The following DOCK3 variants were observed in gnomAD, a reference collection of about 807,000 sequenced individuals.
DOCK3 encodes dedicator of cytokinesis protein 3.
Under a neutral mutation model 265.6 loss-of-function variants are expected in DOCK3, and 60 were observed. The observed-to-expected ratio is 0.23, with a 90% CI of 0.18 to 0.28. The LOEUF (loss-of-function observed/expected upper bound fraction) is 0.28, where lower values mean the gene tolerates loss of function less well. Among genes scored for constraint, DOCK3 ranks in the 10% least tolerant of loss-of-function variants. The probability of loss-of-function intolerance (pLI) is 1.00; values close to 1 mark genes in which losing one functional copy is unlikely to be tolerated. For synonymous variants in DOCK3, 881 were observed against 938.0 expected (o/e 0.94, Z 1.11); for missense variants, 1,981 against 2,594.3 (o/e 0.76, Z 5.14).
chr3:51,053,362 C>T (rs949710564), intron 5 of DOCK3, among the ~76,000 whole-genome samples: 1 of 151,142 alleles, frequency 6.6e-6, no homozygotes. Flanking sequence ...GCTCCGAATG[C>T]TCTTGTCCCT....
At chr3:50,927,498 C>A (rs1481773692) in intron 4 of DOCK3, among the ~76,000 whole-genome samples, 13 of 152,138 alleles carry the variant, frequency 8.5e-5, no homozygotes, top group South Asian at 2.1e-4. Flanking sequence ...TCTCATTACA[C>A]ATTGTGTGCT....
intron 3 of DOCK3, among the ~76,000 whole-genome samples, chr3:50,855,156 T>C (rs944977307): frequency 6.6e-6 from 1 of 152,228 alleles, no homozygotes; most frequent in Non-Finnish European, 1.5e-5. Context: ...TTTTTTCTAA[T>C]TCTGTGTAAA....
intron 1 of DOCK3, among the ~76,000 whole-genome samples, chr3:50,747,120 A>G (rs542840580): frequency 2.0e-5 from 3 of 152,202 alleles, no homozygotes; most frequent in Non-Finnish European, 2.9e-5. Flanking sequence ...CTTTATATGC[A>G]TGGATTTATT....
intron 3 of DOCK3, among the ~76,000 whole-genome samples, chr3:50,853,012 A>G (rs1050262774): frequency 1.3e-5 from 2 of 152,190 alleles, no homozygotes; most frequent in African/African-American, 2.4e-5. Flanking sequence ...CATCACCTCA[A>G]ACATTCATAT....
intron 49 of DOCK3, among the ~76,000 whole-genome samples, chr3:51,370,213 G>A (rs186167615): frequency 4.4e-4 from 67 of 152,290 alleles, no homozygotes; most frequent in Non-Finnish European, 8.5e-4. Flanking sequence ...GTGTCTTCAG[G>A]TAAATAGTCC....
At chr3:51,131,183 C>A (rs529215420) in intron 9 of DOCK3, among the ~76,000 whole-genome samples, 1 of 152,252 alleles carries the variant, frequency 6.6e-6, no homozygotes, top group African/African-American at 2.4e-5. Context: ...GAAATGACCA[C>A]AGGCTCAGTC....
At chr3:51,196,397 G>A (rs1224323457) in intron 12 of DOCK3, among the ~76,000 whole-genome samples, 1 of 152,074 alleles carries the variant, frequency 6.6e-6, no homozygotes, top group African/African-American at 2.4e-5. Flanking sequence ...TTTTTGCATT[G>A]TATTTTCCCA....
intron 2 of DOCK3, among the ~76,000 whole-genome samples, chr3:50,797,999 T>A (rs949664047): frequency 2.0e-5 from 3 of 152,246 alleles, no homozygotes; most frequent in African/African-American, 7.2e-5. Flanking sequence ...AACACATATG[T>A]AACTCTTCTT....
rs9845360 is a variant in DOCK3 at position 50,832,179 on chromosome 3, A to G, written c.122-9496A>G. On this transcript the variant is annotated intron_variant, in intron 2 of 52. Coordinates refer to ENST00000266037, the MANE Select transcript of DOCK3 (RefSeq NM_004947.5). ...GCCATATGCAGAAAGTAGAAACTGG[A>G]CCCCTTCTTTACACCTTATACAAAA... Among the ~76,000 whole-genome samples the G allele has an allele frequency of 2.7e-3, 418 of 152,274 alleles. 1 individual carries two copies. The highest frequency in any genetic ancestry group is 9.6e-3 in the African/African-American group (400 of 41,554).
chr3:50,729,479 G>A (rs1225144560), intron 1 of DOCK3, among the ~76,000 whole-genome samples: 17 of 151,688 alleles, frequency 1.1e-4, no homozygotes, highest in Non-Finnish European at 1.6e-4. Flanking sequence ...ATGCTGGTGC[G>A]CTGCACCCAC....
chr3:51,052,430 G>A (rs1197928397), intron 5 of DOCK3, among the ~76,000 whole-genome samples: 1 of 152,170 alleles, frequency 6.6e-6, no homozygotes, highest in Non-Finnish European at 1.5e-5. Flanking sequence ...AGCCTGGGAA[G>A]TTAAGGCTGC....
chr3:51,071,007 G>A (rs2081840653), intron 6 of DOCK3, among the ~76,000 whole-genome samples: 1 of 152,026 alleles, frequency 6.6e-6, no homozygotes, highest in South Asian at 2.1e-4. Flanking sequence ...CCAGTCCCTG[G>A]TGCAAAAAAG....
intron 22 of DOCK3, among the ~76,000 whole-genome samples, chr3:51,250,393 C>A (rs375588650): frequency 1.3e-5 from 2 of 152,084 alleles, no homozygotes; most frequent in South Asian, 2.1e-4. Flanking sequence ...CCAAGGCGGG[C>A]GGATCACCTG....
Position 51,360,503 on chromosome 3 carries a change from C to T in DOCK3, c.4885-8C>T. The T allele has an allele frequency of 1.2e-6, 2 of 1,607,606 alleles. No homozygotes were observed. The highest frequency in any genetic ancestry group is 1.7e-6 in the Non-Finnish European group (2 of 1,176,602). On this transcript the variant is annotated splice_polypyrimidine_tract_variant and splice_region_variant and intron_variant, in intron 46 of 52. Transcript: ENST00000266037. Reference sequence around the variant, plus strand: ...ACTCTCTATGAAGGGGCATTCATTTCTCAACAGGAGTTTCCAGGTTTGGAT... The same window carrying T: ...ACTCTCTATGAAGGGGCATTCATTTTTCAACAGGAGTTTCCAGGTTTGGAT...
intron 14 of DOCK3, among the ~76,000 whole-genome samples, chr3:51,222,324 T>C (rs2090136865): frequency 6.6e-6 from 1 of 152,146 alleles, no homozygotes; most frequent in Non-Finnish European, 1.5e-5. Flanking sequence ...ACACGTAACA[T>C]GCAATAGGGA....
chr3:51,138,663 G>T (rs573788017), intron 9 of DOCK3, among the ~76,000 whole-genome samples: 1 of 152,310 alleles, frequency 6.6e-6, no homozygotes, highest in African/African-American at 2.4e-5. Context: ...GCTATGGGCA[G>T]CTCCAAAAAG....
At chr3:51,307,155 T>C (rs1221476002) in intron 27 of DOCK3, among the ~76,000 whole-genome samples, 1 of 152,196 alleles carries the variant, frequency 6.6e-6, no homozygotes. Flanking sequence ...GGTCTTGCTG[T>C]ATTGCTCAGG....
chr3:51,054,344 C>T (rs1188466726), intron 5 of DOCK3, among the ~76,000 whole-genome samples: 1 of 152,018 alleles, frequency 6.6e-6, no homozygotes, highest in Non-Finnish European at 1.5e-5. Context: ...TCCCAATGCC[C>T]TTCTAGTTCC....
chr3:51,065,429 T>C (rs774397313), intron 6 of DOCK3, among the ~76,000 whole-genome samples: 2 of 152,204 alleles, frequency 1.3e-5, no homozygotes, highest in African/African-American at 2.4e-5. Flanking sequence ...GAAAGATTAA[T>C]GACAGAGTAA....
Sources: allele counts gnomAD v4.1 joint callset (sites outside exome capture counted in the v4.1 genomes callset), GRCh38; gene constraint gnomAD v4.1.1; transcripts MANE v1.5; gene names NCBI Gene and HGNC (gene_info 2026-07-23, HGNC 2026-07-21).